Variants in CFAP52 observed in about 807,000 individuals in gnomAD.
CFAP52 encodes the protein cilia and flagella associated protein 52.
Under a neutral mutation model 70.5 loss-of-function variants are expected in CFAP52, and 57 were observed. The ratio of observed to expected loss-of-function variants is 0.81; its 90% CI spans 0.65 to 1.01. The LOEUF (loss-of-function observed/expected upper bound fraction) is 1.01. CFAP52 is among the 50% of genes least tolerant of loss of function. CFAP52 has a pLI of 0.00. For synonymous variants in CFAP52, 267 were observed against 292.5 expected, an observed-to-expected ratio of 0.91 and a Z score of 0.89; for missense variants, 785 against 788.5, an observed-to-expected ratio of 1.00 and a Z score of 0.05.
chr17:9,605,756 G>C (rs2151939167), intron 6 of CFAP52, among the ~76,000 whole-genome samples: 1 of 149,728 alleles, frequency 6.7e-6, no homozygotes, highest in East Asian at 2.0e-4. Context: ...AGGGAGGGAG[G>C]AGTGAATGGG....
At chr17:9,641,867 G>A (rs202069537) in intron 13 of CFAP52, 32 bp downstream of exon 13, 307 of 1,586,666 alleles carry the variant, frequency 1.9e-4, no homozygotes, top group Non-Finnish European at 2.3e-4. Context: ...AGCCAAGCCT[G>A]GCTTATTTAG....
At chr17:9,637,113 T>C (rs1259023467) in intron 11 of CFAP52, among the ~76,000 whole-genome samples, 2 of 152,162 alleles carry the variant, frequency 1.3e-5, no homozygotes, top group Non-Finnish European at 2.9e-5. Flanking sequence ...CTTCTAGCCC[T>C]GTGTGTCTCC....
intron 5 of CFAP52, 84 bp downstream of exon 5, chr17:9,598,417 T>C (rs1276036797): frequency 1.7e-6 from 2 of 1,145,886 alleles, no homozygotes; most frequent in Admixed American, 2.0e-5. Flanking sequence ...TGTGTGTACA[T>C]GGGGCTGGGG....
chr17:9,583,733 C>T (rs1035137691), intron 1 of CFAP52, among the ~76,000 whole-genome samples: 2 of 152,016 alleles, frequency 1.3e-5, no homozygotes, highest in African/African-American at 2.4e-5. Flanking sequence ...AAAATAAACA[C>T]GAAGAGCAAT....
At chr17:9,613,235 G>C (rs1909781329) in intron 8 of CFAP52, among the ~76,000 whole-genome samples, 1 of 150,672 alleles carries the variant, frequency 6.6e-6, no homozygotes, top group Non-Finnish European at 1.5e-5. Flanking sequence ...TCTGGATCTA[G>C]TTGCTGTATT....
intron 8 of CFAP52, among the ~76,000 whole-genome samples, chr17:9,621,908 G>A (rs1332367700): frequency 6.7e-6 from 1 of 149,064 alleles, no homozygotes; most frequent in African/African-American, 2.5e-5. Context: ...AATGCTAGAT[G>A]ACACGTTAGT....
intron 5 of CFAP52, among the ~76,000 whole-genome samples, chr17:9,599,542 C>T (rs557952036): frequency 2.0e-5 from 3 of 152,192 alleles, no homozygotes; most frequent in African/African-American, 7.2e-5. Flanking sequence ...TAATTGGGGT[C>T]GAATATTTCC....
chr17:9,638,581 T>G, intron 11 of CFAP52, 28 bp from the exon 12 acceptor site: 2 of 1,606,792 alleles, frequency 1.2e-6, no homozygotes, highest in Non-Finnish European at 1.7e-6. Context: ...GAAAGTCGAC[T>G]TTCACAGCTT....
chr17:9,621,501 TG>T (rs1910029108), intron 8 of CFAP52, among the ~76,000 whole-genome samples: 1 of 36,204 alleles, frequency 2.8e-5, no homozygotes, highest in Non-Finnish European at 5.0e-5. Flanking sequence ...ATCCCATTAC[TG>T]GGTATATACC....
At chr17:9,645,377 C>T, downstream of CFAP52, 1 of 261,412 alleles carries the variant, frequency 3.8e-6, no homozygotes, top group Non-Finnish European at 7.1e-6. This position sits in a 1 kb window ranked among gnomAD's most constrained non-coding sequence, Gnocchi z 6.8. Context: ...CACGAAGACT[C>T]CCAGTCAGCG....
chr17:9,644,804 G>A (rs556368065), downstream of CFAP52: 1 of 152,264 alleles, frequency 6.6e-6, no homozygotes, highest in African/African-American at 2.4e-5. Flanking sequence ...GTCGAGTTCC[G>A]GTTTCCCTGC....
chr17:9,607,675 T>G (rs1340527833), intron 6 of CFAP52, among the ~76,000 whole-genome samples: 1 of 152,218 alleles, frequency 6.6e-6, no homozygotes, highest in East Asian at 1.9e-4. Flanking sequence ...GCTGAGAGAC[T>G]AGCATTGCTG....
At position 9,641,901 on chromosome 17, in the gene CFAP52, A is replaced by T. The variant is rs1911081180; in HGVS notation, c.1687+66A>T. 4.3e-6 allele frequency: 6 copies of T among 1,394,648 alleles called. No homozygotes were observed. The Admixed American group carries it at 1.1e-4, about 25-fold the overall frequency. The allele number at this position is 1,394,648 out of a possible 1,614,324, so 86.4% of individuals were successfully genotyped here. On this transcript the variant is annotated intron_variant, in intron 13 of 13. Coordinates refer to ENST00000352665, the MANE Select transcript of CFAP52 (RefSeq NM_145054.5). Reference sequence around the variant, plus strand: ...AGACGAGGACATGGAAGGAACTCCCAGGCTAGAGGCAATTGGAAAAGACAA... The same window carrying T: ...AGACGAGGACATGGAAGGAACTCCCTGGCTAGAGGCAATTGGAAAAGACAA...
At chr17:9,636,179 AAAAGAAAGAAAGAAAGAAAGAAAGAAAG>A (rs60584008) in intron 11 of CFAP52, among the ~76,000 whole-genome samples, 52 of 99,174 alleles carry the variant, frequency 5.2e-4, no homozygotes, top group Non-Finnish European at 7.0e-4. Flanking sequence ...TGTCTCAAAA[AAAAGAAAGAAAGAAAGAAAGAAAGAAAG>A]AAAGAAAGAA....
At chr17:9,637,478 C>T (rs1245302581) in intron 11 of CFAP52, among the ~76,000 whole-genome samples, 1 of 152,196 alleles carries the variant, frequency 6.6e-6, no homozygotes, top group Non-Finnish European at 1.5e-5. Context: ...GAAAGCCTGG[C>T]CTGTGAGATG....
chr17:9,628,766 AAC>A lies in CFAP52; in HGVS notation c.1122_1123del (p.Met375AspfsTer22). 6.2e-7 allele frequency: 1 copy of A among 1,614,184 alleles called. No individual in the cohort carries two copies. Among genetic ancestry groups the A allele is most frequent in the Non-Finnish European group, 8.5e-7 (1 of 1,180,040 alleles). On this transcript the variant is annotated frameshift_variant, in exon 9 of 14. Coordinates refer to ENST00000352665, the MANE Select transcript of CFAP52 (RefSeq NM_145054.5). LOFTEE classifies it high-confidence loss of function. ...NRELLRITVP[N>X]MTCHGIDFMR... Reference sequence around the variant, plus strand: ...GGAGCTGCTGCGGATCACCGTGCCCAACATGACCTGCCACGGCATCGACTTCA... The same window carrying A: ...GGAGCTGCTGCGGATCACCGTGCCCAATGACCTGCCACGGCATCGACTTCA...
rs1910917640 is a variant in CFAP52 at position 9,638,692 on chromosome 17, C to A, written c.1556C>A (p.Thr519Asn). The A allele has an allele frequency of 6.2e-7, 1 of 1,614,152 alleles. No individual in the cohort carries two copies. The highest frequency in any genetic ancestry group is 1.3e-5 in the African/African-American group (1 of 75,044). ...CYHPEEFQII[T>N]SGTDRKIAYW... ...CACCCTGAGGAGTTCCAGATCATCA[C>A]CAGCGGAACAGACAGAAAGGTGAGT... Residue 519 changes from threonine (T) to asparagine (N), a missense_variant, in exon 12 of 14, where the codon ACC becomes AAC. Thr to Asn is a moderately conservative substitution (Grantham distance 65). Coordinates refer to ENST00000352665, the MANE Select transcript of CFAP52 (RefSeq NM_145054.5).
At chr17:9,577,890 G>A (rs576650394) in intron 1 of CFAP52, among the ~76,000 whole-genome samples, 4 of 152,226 alleles carry the variant, frequency 2.6e-5, no homozygotes, top group Admixed American at 1.3e-4. Context: ...TCAGGAGTTC[G>A]AGACCATCCT....
intron 6 of CFAP52, among the ~76,000 whole-genome samples, chr17:9,605,172 G>A (rs942758339): frequency 1.3e-5 from 2 of 152,152 alleles, no homozygotes; most frequent in Admixed American, 6.5e-5. Flanking sequence ...ATCCATAATT[G>A]CCAAAACTTG....
Sources: gnomAD v4.1 joint callset for allele counts (sites outside exome capture counted in the v4.1 genomes callset) on GRCh38, gnomAD v4.1.1 for gene constraint, Gnocchi (gnomAD v3.1) non-coding constraint, MANE v1.5 for transcripts, NCBI Gene and HGNC (gene_info 2026-07-23, HGNC 2026-07-21) for gene names.